The following NTAQ1 variants were observed in gnomAD, a reference collection of about 807,000 sequenced individuals.
The protein encoded by NTAQ1 is protein N-terminal glutamine amidohydrolase.
In NTAQ1, 21 loss-of-function variants were observed where a neutral mutation model predicts 28.2. The ratio of observed to expected loss-of-function variants is 0.74; its 90% CI spans 0.53 to 1.07. NTAQ1 has a LOEUF of 1.07. NTAQ1 is among the 50% of genes least tolerant of loss of function. The pLI is 0.00. For missense variants in NTAQ1, 264 were observed against 256.6 expected (o/e 1.03, Z -0.20); for synonymous variants, 105 against 90.0 (o/e 1.17, Z -0.94).
chr8:123,458,821 C>T (rs566639505), intron 6 of NTAQ1, among the ~76,000 whole-genome samples: 7 of 152,032 alleles, frequency 4.6e-5, no homozygotes, highest in Admixed American at 6.5e-5. Context: ...GGGGTTTCAC[C>T]GTGATAGCTA....
downstream of NTAQ1, among the ~76,000 whole-genome samples, chr8:123,443,209 G>A (rs562556947): frequency 2.7e-5 from 4 of 150,926 alleles, no homozygotes; most frequent in Non-Finnish European, 5.9e-5. Flanking sequence ...TAATAGAGAC[G>A]GGGTTTTGCC....
intron 6 of NTAQ1, among the ~76,000 whole-genome samples, chr8:123,453,720 C>T (rs1441648108): frequency 6.6e-6 from 1 of 152,198 alleles, no homozygotes; most frequent in Non-Finnish European, 1.5e-5. Flanking sequence ...GTCATCGTGC[C>T]TGGCCCCAGA....
chr8:123,420,340 T>G (rs1170953563), intron 1 of NTAQ1, among the ~76,000 whole-genome samples: 2 of 152,132 alleles, frequency 1.3e-5, no homozygotes, highest in Non-Finnish European at 2.9e-5. Flanking sequence ...CTAGGTTGAT[T>G]CTACATCTTT....
At chr8:123,433,386 T>G (rs1814511678) in intron 3 of NTAQ1, among the ~76,000 whole-genome samples, 1 of 152,334 alleles carries the variant, frequency 6.6e-6, no homozygotes, top group East Asian at 1.9e-4. Context: ...TCTGTGAAAC[T>G]CTCTTTGGCC....
chr8:123,454,432 G>A (rs1426008773), intron 6 of NTAQ1, among the ~76,000 whole-genome samples: 8 of 152,082 alleles, frequency 5.3e-5, no homozygotes, highest in South Asian at 2.1e-4. Context: ...GCAATGGTGC[G>A]ATCTCAGCTC....
At chr8:123,435,353 A>T in intron 3 of NTAQ1, 1 of 517,490 alleles carries the variant, frequency 1.9e-6, no homozygotes, top group Non-Finnish European at 2.5e-6. Context: ...AGCTTGGCTA[A>T]CTTCTTTTTT....
downstream of NTAQ1, among the ~76,000 whole-genome samples, chr8:123,471,225 CT>C (rs1204104276): frequency 2.6e-5 from 4 of 152,150 alleles, no homozygotes; most frequent in African/African-American, 7.2e-5. Context: ...GCCACCATGC[CT>C]TGCCTCTGCT....
downstream of NTAQ1, among the ~76,000 whole-genome samples, chr8:123,450,412 G>A (rs995846559): frequency 2.3e-4 from 34 of 147,932 alleles, no homozygotes; most frequent in African/African-American, 7.6e-4. Flanking sequence ...AGTGGTTTGG[G>A]AAGGGGGCAG....
At chr8:123,442,578 G>C (rs572070688), downstream of NTAQ1, among the ~76,000 whole-genome samples, 2 of 136,960 alleles carry the variant, frequency 1.5e-5, no homozygotes, top group African/African-American at 2.8e-5. Flanking sequence ...CTGGGTGACA[G>C]AGCAAGACTC....
At chr8:123,463,380 G>A (rs940613394) in intron 6 of NTAQ1, among the ~76,000 whole-genome samples, 1 of 152,072 alleles carries the variant, frequency 6.6e-6, no homozygotes, top group Non-Finnish European at 1.5e-5. Context: ...CTTAATATTA[G>A]ATCACAGTTA....
chr8:123,454,724 C>G (rs561237543), intron 6 of NTAQ1, among the ~76,000 whole-genome samples: 1 of 152,286 alleles, frequency 6.6e-6, no homozygotes, highest in Non-Finnish European at 1.5e-5. Context: ...CCCAGTGTCA[C>G]CAGGTGGTGT....
In NTAQ1 at chr8:123,426,378, C is replaced by T. The variant is rs180922479; in HGVS notation, c.84-1546C>T. On this transcript the variant is annotated intron_variant, in intron 1 of 5. Coordinates refer to ENST00000287387, the MANE Select transcript of NTAQ1 (RefSeq NM_018024.3). ...AGAAAGAACTTTCTAAAAATCAGGC[C>T]TCTTGAGAAGGCCAGGCACAGTGGC... is the stretch of plus-strand genomic sequence containing the variant. Among the ~76,000 whole-genome samples the T allele has an allele frequency of 2.4e-4, 37 of 152,230 alleles. No individual in the cohort carries two copies. The East Asian group carries it at 6.6e-3, about 27-fold the overall frequency.
intron 1 of NTAQ1, among the ~76,000 whole-genome samples, chr8:123,418,517 G>GA (rs1399088919): frequency 2.0e-5 from 3 of 151,864 alleles, no homozygotes; most frequent in African/African-American, 7.3e-5. Flanking sequence ...AATACTATGA[G>GA]AAAAATAAGA....
intron 1 of NTAQ1, among the ~76,000 whole-genome samples, chr8:123,426,878 T>G (rs966711571): frequency 6.6e-5 from 10 of 152,160 alleles, no homozygotes; most frequent in Non-Finnish European, 1.3e-4. Context: ...GACAATCACT[T>G]GAACCTGAGA....
At chr8:123,460,274 A>T (rs1287290180) in intron 6 of NTAQ1, among the ~76,000 whole-genome samples, 2 of 152,250 alleles carry the variant, frequency 1.3e-5, no homozygotes, top group African/African-American at 2.4e-5. Context: ...TCCTTACAAT[A>T]ACCTTATGAA....
chr8:123,471,478 G>C (rs1816041274), downstream of NTAQ1, among the ~76,000 whole-genome samples: 1 of 152,168 alleles, frequency 6.6e-6, no homozygotes, highest in Admixed American at 6.5e-5. Flanking sequence ...ACATGATTAT[G>C]GAGGCTGGAA....
intron 3 of NTAQ1, among the ~76,000 whole-genome samples, chr8:123,434,596 G>A (rs1302519688): frequency 6.6e-6 from 1 of 152,194 alleles, no homozygotes; most frequent in Admixed American, 6.6e-5. Flanking sequence ...CTGTGCTCCA[G>A]CCTGGGTGAC....
chr8:123,475,210 T>C, the NTAQ1 span, among the ~76,000 whole-genome samples: 1 of 152,222 alleles, frequency 6.6e-6, no homozygotes, highest in African/African-American at 2.4e-5. Flanking sequence ...CTTAAACAGG[T>C]TGGCTCCTGT....
At chr8:123,421,347 T>G (rs1177924210) in intron 1 of NTAQ1, among the ~76,000 whole-genome samples, 1 of 152,150 alleles carries the variant, frequency 6.6e-6, no homozygotes, top group Non-Finnish European at 1.5e-5. Flanking sequence ...CCCGAACTGT[T>G]GGGATTACAG....
Sources: allele counts gnomAD v4.1 joint callset (sites outside exome capture counted in the v4.1 genomes callset), GRCh38; gene constraint gnomAD v4.1.1; transcripts MANE v1.5; gene names NCBI Gene and HGNC (gene_info 2026-07-23, HGNC 2026-07-21).